Variants in EPM2A observed in about 807,000 individuals in gnomAD.
EPM2A encodes the protein laforin.
Under a neutral mutation model 26.5 loss-of-function variants are expected in EPM2A, and 21 were observed. The ratio of observed to expected loss-of-function variants is 0.79; its 90% CI spans 0.56 to 1.14. EPM2A has a LOEUF of 1.14. Among genes scored for constraint, EPM2A ranks in the 50% most tolerant of loss-of-function variants. The pLI, the probability that EPM2A is intolerant of heterozygous loss-of-function variation, is 0.00. For missense variants in EPM2A, 458 were observed against 440.8 expected (o/e 1.04, Z -0.35); for synonymous variants, 217 against 177.6 (o/e 1.22, Z -1.76).
rs139507935 is a variant in EPM2A, at chr6:145,550,008, CAG to C, written c.341-47435_341-47434del. 9.8e-3 allele frequency among the ~76,000 whole-genome samples: 1,499 copies of C among 152,202 alleles called. 32 individuals carry two copies. Among genetic ancestry groups the C allele is most frequent in the East Asian group, 0.083 (431 of 5,166 alleles). The stretch of plus-strand genomic sequence containing the variant: ...ATTAATGTGAATCCCCTGTATGTTG[CAG>C]AGTCCAGTAGAACCGAAAGTTCATA... On this transcript the variant is annotated intron_variant, in intron 2 of 3. Transcript: ENST00000450221.
chr6:145,643,449 G>T (rs113147228), intron 2 of EPM2A, among the ~76,000 whole-genome samples: 5 of 152,068 alleles, frequency 3.3e-5, no homozygotes, highest in African/African-American at 1.2e-4. Context: ...TTATACACTG[G>T]ATATGTAGCC....
chr6:145,388,382 A>G (rs1157562568), intron 4 of EPM2A, among the ~76,000 whole-genome samples: 5 of 152,150 alleles, frequency 3.3e-5, no homozygotes, highest in Non-Finnish European at 7.3e-5. Context: ...AGCCACTGCT[A>G]GCTGTTTCTT....
At chr6:145,595,102 ATCTG>A (rs1781324819) in intron 2 of EPM2A, among the ~76,000 whole-genome samples, 1 of 150,144 alleles carries the variant, frequency 6.7e-6, no homozygotes, top group African/African-American at 2.5e-5. Flanking sequence ...ATTAGCAGAG[ATCTG>A]TCTCTTTTTT....
intron 2 of EPM2A, among the ~76,000 whole-genome samples, chr6:145,598,372 C>T (rs531139018): frequency 1.3e-5 from 2 of 152,158 alleles, no homozygotes; most frequent in South Asian, 4.1e-4. Context: ...TGTATGTCTT[C>T]TTTTGAAAAG....
chr6:145,417,734 A>G (rs754158565), intron 4 of EPM2A, among the ~76,000 whole-genome samples: 3 of 152,092 alleles, frequency 2.0e-5, no homozygotes, highest in Non-Finnish European at 2.9e-5. Flanking sequence ...CAATCCACCT[A>G]ACCTCAGCCA....
At chr6:145,707,843 G>A (rs1367484077) in intron 1 of EPM2A, among the ~76,000 whole-genome samples, 1 of 152,200 alleles carries the variant, frequency 6.6e-6, no homozygotes, top group African/African-American at 2.4e-5. Context: ...TTTAAAATGT[G>A]AAAGTGACTT....
intron 2 of EPM2A, among the ~76,000 whole-genome samples, chr6:145,540,915 T>C (rs956842850): frequency 4.6e-5 from 7 of 152,194 alleles, no homozygotes; most frequent in Admixed American, 4.6e-4. Context: ...TCATCTCTGA[T>C]TCATCACAAA....
chr6:145,586,695 G>A (rs11155433), intron 2 of EPM2A, among the ~76,000 whole-genome samples: 55,721 of 151,854 alleles, frequency 0.37, 10,667 homozygotes, highest in South Asian at 0.52. Context: ...TCCCCAAAAC[G>A]ATCCTTCCTA....
intron 1 of EPM2A, 21 bp from the exon 2 acceptor site, chr6:145,686,317 A>C (rs1345830598): frequency 6.2e-7 from 1 of 1,600,320 alleles, no homozygotes; most frequent in Non-Finnish European, 8.6e-7. Context: ...AAAAAATGAT[A>C]AACAGAGCAA....
rs771333550 is a variant in EPM2A at position 145,626,196 on chromosome 6, C to G, written c.*1220G>C. Reference sequence around the variant, plus strand: ...ATCCTGCATTACAGTTGGTTGAATGCAGGTCTGTTTCTAGGCAGCACATTT... The same window carrying G: ...ATCCTGCATTACAGTTGGTTGAATGGAGGTCTGTTTCTAGGCAGCACATTT... On this transcript the variant is annotated 3_prime_UTR_variant, in exon 4 of 4. Transcript: ENST00000367519. The G allele has an allele frequency of 6.1e-5, 61 of 996,874 alleles. No homozygotes were observed. Among genetic ancestry groups the G allele is most frequent in the Non-Finnish European group, 7.2e-5 (60 of 836,694 alleles). The allele number at this position is 996,874 out of a possible 1,614,324, so 61.8% of individuals were successfully genotyped here. A position where few individuals can be genotyped will look rare whatever the true frequency, so the allele number is the denominator to read the frequency against.
At chr6:145,458,734 C>A (rs1410006305) in intron 4 of EPM2A, among the ~76,000 whole-genome samples, 1 of 151,974 alleles carries the variant, frequency 6.6e-6, no homozygotes, top group Admixed American at 6.6e-5. Flanking sequence ...CCAAAAAATC[C>A]TGATGAAATA....
rs1775907192 is a variant in EPM2A at position 145,627,538 on chromosome 6, C to T, written c.874G>A (p.Val292Met). The T allele has an allele frequency of 2.5e-6, 4 of 1,614,242 alleles. No homozygotes were observed. Among genetic ancestry groups the T allele is most frequent in the Non-Finnish European group, 3.4e-6 (4 of 1,180,026 alleles). The part of the protein sequence containing the change: ...QYVMGWNLRK[V>M]QYFLMAKRPA... ...CTCTTGGCCATGAGGAAATACTGCA[C>T]CTTCCTCAGATTCCAGCCCATCACA... Residue 292 changes from valine to methionine, a missense_variant, in exon 4 of 4, where the codon GTG becomes ATG. Coordinates refer to ENST00000367519, the MANE Select transcript of EPM2A (RefSeq NM_005670.4).
intron 4 of EPM2A, chr6:145,384,247 G>A (rs985989809): frequency 6.6e-6 from 1 of 152,092 alleles, no homozygotes; most frequent in Non-Finnish European, 1.5e-5. Context: ...TCAGTTAAAC[G>A]TAGCTTACAA....
chr6:145,602,921 A>G (rs1781433596), intron 2 of EPM2A, among the ~76,000 whole-genome samples: 1 of 152,214 alleles, frequency 6.6e-6, no homozygotes, highest in African/African-American at 2.4e-5. Flanking sequence ...GAAGGAATCC[A>G]CGCAAGTCAG....
intron 1 of EPM2A, among the ~76,000 whole-genome samples, chr6:145,715,718 G>T (rs966733770): frequency 1.3e-5 from 2 of 152,094 alleles, no homozygotes; most frequent in African/African-American, 2.4e-5. Flanking sequence ...ACCCTATTGT[G>T]AACTGCACTT....
chr6:145,677,812 A>G (rs1780179597), intron 2 of EPM2A, among the ~76,000 whole-genome samples: 2 of 152,226 alleles, frequency 1.3e-5, no homozygotes, highest in South Asian at 4.1e-4. Flanking sequence ...TTCCATGCTC[A>G]TGGATAGGAA....
At chr6:145,725,990 G>A (rs1273003459) in intron 1 of EPM2A, among the ~76,000 whole-genome samples, 1 of 151,956 alleles carries the variant, frequency 6.6e-6, no homozygotes, top group Admixed American at 6.6e-5. Flanking sequence ...GAAGGAAGAG[G>A]CACACTCACT....
At chr6:145,567,403 TTC>T (rs1404257484) in intron 2 of EPM2A, among the ~76,000 whole-genome samples, 1 of 152,148 alleles carries the variant, frequency 6.6e-6, no homozygotes, top group Non-Finnish European at 1.5e-5. Flanking sequence ...CAACAAAAGT[TTC>T]TTTCTTGCTC....
chr6:145,576,095 C>G (rs1781027430), intron 2 of EPM2A, among the ~76,000 whole-genome samples: 1 of 152,180 alleles, frequency 6.6e-6, no homozygotes, highest in Non-Finnish European at 1.5e-5. Context: ...CTTGGCTTCC[C>G]AAAGTGTTGA....
Sources: gnomAD v4.1 joint callset for allele counts (sites outside exome capture counted in the v4.1 genomes callset) on GRCh38, gnomAD v4.1.1 for gene constraint, MANE v1.5 for transcripts, NCBI Gene and HGNC (gene_info 2026-07-23, HGNC 2026-07-21) for gene names.